Variants in GLIS3 observed in about 807,000 individuals in gnomAD.
The protein encoded by GLIS3 is zinc finger protein GLIS3.
GLIS3 carries 53 observed loss-of-function variants against 78.6 expected under a neutral mutation model. The ratio of observed to expected loss-of-function variants is 0.67; its 90% CI spans 0.54 to 0.85. GLIS3 has a LOEUF of 0.85. GLIS3 is among the 40% of genes least tolerant of loss of function. GLIS3 has a pLI of 0.00. For missense variants in GLIS3, 1,703 were observed against 1,231.1 expected, an observed-to-expected ratio of 1.38 and a Z score of -5.74; for synonymous variants, 684 against 509.9, an observed-to-expected ratio of 1.34 and a Z score of -4.60.
upstream of GLIS3, among the ~76,000 whole-genome samples, chr9:4,350,054 A>G (rs920490144): frequency 6.6e-6 from 1 of 152,236 alleles, no homozygotes. Context: ...AAACTGAGAG[A>G]GTCAGATTGC....
intron 4 of GLIS3, among the ~76,000 whole-genome samples, chr9:4,021,630 T>C (rs1464559642): frequency 6.6e-6 from 1 of 152,190 alleles, no homozygotes; most frequent in East Asian, 1.9e-4. Flanking sequence ...GAACCTCATT[T>C]TCAATTAATA....
chr9:4,215,809 T>C (rs1338906925), intron 2 of GLIS3, among the ~76,000 whole-genome samples: 1 of 152,200 alleles, frequency 6.6e-6, no homozygotes, highest in African/African-American at 2.4e-5. Context: ...TCTTCAACAG[T>C]ATGACAATAC....
the GLIS3 span, among the ~76,000 whole-genome samples, chr9:4,481,316 T>A: frequency 6.6e-6 from 1 of 152,082 alleles, no homozygotes; most frequent in Admixed American, 6.5e-5. Flanking sequence ...AAACCCTGTC[T>A]CTACTAAAAA....
At chr9:4,133,128 C>T (rs1833099110) in intron 2 of GLIS3, among the ~76,000 whole-genome samples, 1 of 152,196 alleles carries the variant, frequency 6.6e-6, no homozygotes. Flanking sequence ...ATCTATCTAT[C>T]TAACCATCTC....
the GLIS3 span, among the ~76,000 whole-genome samples, chr9:4,392,552 G>A: frequency 6.6e-6 from 1 of 152,038 alleles, no homozygotes; most frequent in Non-Finnish European, 1.5e-5. Context: ...TTTCACTATG[G>A]CCCCAAACCT....
At chr9:4,200,265 T>G (rs1454493946) in intron 2 of GLIS3, among the ~76,000 whole-genome samples, 1 of 150,918 alleles carries the variant, frequency 6.6e-6, no homozygotes, top group Non-Finnish European at 1.5e-5. Flanking sequence ...AAGAACAAAC[T>G]AACTCCAGAG....
At chr9:4,169,788 G>T (rs1215207371) in intron 2 of GLIS3, among the ~76,000 whole-genome samples, 1 of 152,030 alleles carries the variant, frequency 6.6e-6, no homozygotes, top group Admixed American at 6.6e-5. Flanking sequence ...TTAACATTTG[G>T]GAAATCTGGG....
At chr9:4,434,912 C>T in the GLIS3 span, among the ~76,000 whole-genome samples, 25 of 152,246 alleles carry the variant, frequency 1.6e-4, no homozygotes, top group South Asian at 1.0e-3. Flanking sequence ...AGATGTGATC[C>T]GGGCCACCAA....
intron 2 of GLIS3, among the ~76,000 whole-genome samples, chr9:4,247,887 A>C (rs1016383593): frequency 6.6e-6 from 1 of 152,140 alleles, no homozygotes. Flanking sequence ...CACTTCATTG[A>C]TACTTTTGTG....
At chr9:4,460,478 G>C in the GLIS3 span, among the ~76,000 whole-genome samples, 1,710 of 152,282 alleles carry the variant, frequency 0.011, 32 homozygotes, top group African/African-American at 0.039. Context: ...CCACATTCCT[G>C]TGCGCCATGA....
At chr9:4,183,269 G>A (rs1368998194) in intron 2 of GLIS3, among the ~76,000 whole-genome samples, 1 of 152,106 alleles carries the variant, frequency 6.6e-6, no homozygotes, top group African/African-American at 2.4e-5. Flanking sequence ...ACTGACTGTT[G>A]GGGTCACTTC....
At chr9:4,379,396 C>G in the GLIS3 span, among the ~76,000 whole-genome samples, 1 of 152,222 alleles carries the variant, frequency 6.6e-6, no homozygotes, top group Non-Finnish European at 1.5e-5. Flanking sequence ...AATTCAAATG[C>G]TAAAGATAAC....
intron 4 of GLIS3, among the ~76,000 whole-genome samples, chr9:4,033,884 A>AAC (rs1370300236): frequency 6.6e-6 from 1 of 150,886 alleles, no homozygotes; most frequent in African/African-American, 2.4e-5. Flanking sequence ...AAAAAAAAAA[A>AAC]AAAAAACTAG....
At chr9:4,215,985 T>C (rs1820791135) in intron 2 of GLIS3, among the ~76,000 whole-genome samples, 1 of 152,238 alleles carries the variant, frequency 6.6e-6, no homozygotes. Flanking sequence ...ATTTTGATGC[T>C]GGACTCCATG....
At chr9:4,172,035 T>C (rs1280523394) in intron 2 of GLIS3, among the ~76,000 whole-genome samples, 3 of 152,154 alleles carry the variant, frequency 2.0e-5, no homozygotes, top group African/African-American at 4.8e-5. Flanking sequence ...CTGCTAAATA[T>C]TTCTCTTTTT....
At chr9:4,020,850 A>G (rs543665514) in intron 4 of GLIS3, among the ~76,000 whole-genome samples, 1 of 152,328 alleles carries the variant, frequency 6.6e-6, no homozygotes, top group East Asian at 1.9e-4. Flanking sequence ...TGACGTAAGC[A>G]AATGATACTG....
intron 2 of GLIS3, among the ~76,000 whole-genome samples, chr9:4,332,729 C>T (rs1405197321): frequency 6.6e-6 from 1 of 152,196 alleles, no homozygotes; most frequent in East Asian, 1.9e-4. Context: ...CGGGAGTCAG[C>T]CTCATGTGCT....
At chr9:3,994,944 G>C (rs1820625488) in intron 4 of GLIS3, among the ~76,000 whole-genome samples, 1 of 152,336 alleles carries the variant, frequency 6.6e-6, no homozygotes, top group Middle Eastern at 3.4e-3. Context: ...CAGGAGCAGA[G>C]AGCAAGAGTT....
intron 3 of GLIS3, chr9:4,308,993 C>T (rs951841822): frequency 6.6e-6 from 1 of 152,232 alleles, no homozygotes; most frequent in Admixed American, 6.5e-5. Flanking sequence ...TGAATATAGT[C>T]AGGTATTTGC....
Sources: gnomAD v4.1 joint callset for allele counts (sites outside exome capture counted in the v4.1 genomes callset) on GRCh38, gnomAD v4.1.1 for gene constraint, MANE v1.5 for transcripts, NCBI Gene and HGNC (gene_info 2026-07-23, HGNC 2026-07-21) for gene names.